Variants in IQSEC1 observed in about 807,000 individuals in gnomAD.
IQSEC1 encodes the protein IQ motif and Sec7 domain ArfGEF 1, also known as IQ motif and SEC7 domain-containing protein 1.
In IQSEC1, 31 loss-of-function variants were observed where a neutral mutation model predicts 91.0. That is an observed-to-expected ratio of 0.34 (90% CI 0.26 to 0.46). The LOEUF is 0.46. IQSEC1 is among the 20% of genes least tolerant of loss of function. The pLI, the probability that IQSEC1 is intolerant of heterozygous loss-of-function variation, is 1.00. For missense variants in IQSEC1, 1,388 were observed against 1,575.6 expected (o/e 0.88, Z 2.02); for synonymous variants, 699 against 662.6 (o/e 1.05, Z -0.84).
chr3:13,019,383 G>A (rs1339301676), intron 1 of IQSEC1, among the ~76,000 whole-genome samples: 3 of 152,244 alleles, frequency 2.0e-5, no homozygotes, highest in African/African-American at 7.2e-5. Flanking sequence ...CCAGCCAGGG[G>A]CAACAGGCTC....
chr3:12,971,655 T>A (rs1247454906), intron 1 of IQSEC1, among the ~76,000 whole-genome samples: 4 of 152,236 alleles, frequency 2.6e-5, no homozygotes, highest in Non-Finnish European at 5.9e-5. Context: ...CATAGATTAC[T>A]TCTTAAAAGA....
intron 1 of IQSEC1, among the ~76,000 whole-genome samples, chr3:13,180,405 G>A (rs1424820596): frequency 2.6e-5 from 4 of 152,034 alleles, no homozygotes; most frequent in Admixed American, 6.5e-5. Flanking sequence ...TAGTGGGGAC[G>A]TGGAGAACCT....
chr3:13,225,498 TA>T (rs1694736339), intron 1 of IQSEC1, among the ~76,000 whole-genome samples: 1 of 152,192 alleles, frequency 6.6e-6, no homozygotes, highest in Non-Finnish European at 1.5e-5. Context: ...TCATCATAAA[TA>T]GGACTCAACA....
At chr3:13,092,008 G>A (rs112607866) in intron 2 of IQSEC1, among the ~76,000 whole-genome samples, 4 of 152,236 alleles carry the variant, frequency 2.6e-5, no homozygotes, top group African/African-American at 9.6e-5. Context: ...CCCCCAGGCA[G>A]TTCTAAGGGC....
chr3:13,035,501 T>G (rs922693640), intron 1 of IQSEC1, among the ~76,000 whole-genome samples: 8 of 152,146 alleles, frequency 5.3e-5, no homozygotes, highest in African/African-American at 1.9e-4. Flanking sequence ...CCACACTTCA[T>G]TTCAACTTAC....
At chr3:13,025,486 C>T (rs377584487) in intron 1 of IQSEC1, among the ~76,000 whole-genome samples, 1 of 152,144 alleles carries the variant, frequency 6.6e-6, no homozygotes, top group Non-Finnish European at 1.5e-5. Flanking sequence ...TTGAAGGGGA[C>T]CCTGCTTGGG....
chr3:13,231,269 G>A (rs933979845), intron 1 of IQSEC1, among the ~76,000 whole-genome samples: 9 of 152,078 alleles, frequency 5.9e-5, no homozygotes, highest in Non-Finnish European at 1.0e-4. Context: ...AGTCCCGTGC[G>A]TGTGTGTGTC....
intron 1 of IQSEC1, among the ~76,000 whole-genome samples, chr3:13,234,674 A>G (rs547280673): frequency 6.6e-6 from 1 of 152,192 alleles, no homozygotes; most frequent in South Asian, 2.1e-4. Context: ...TGCCCAGTGC[A>G]TGCCCAGTCC....
chr3:12,991,612 C>T (rs927068358), intron 1 of IQSEC1, among the ~76,000 whole-genome samples: 2 of 152,224 alleles, frequency 1.3e-5, no homozygotes, highest in African/African-American at 2.4e-5. Context: ...TTCAGACTCC[C>T]TGACCAGCAC....
intron 1 of IQSEC1, among the ~76,000 whole-genome samples, chr3:13,198,749 G>A (rs566475554): frequency 2.0e-5 from 3 of 152,332 alleles, no homozygotes; most frequent in South Asian, 2.1e-4. Context: ...CACAAGAAGA[G>A]GCTAAGCCTC....
intron 6 of IQSEC1, among the ~76,000 whole-genome samples, chr3:12,920,085 A>G (rs1283139720): frequency 6.6e-6 from 1 of 152,258 alleles, no homozygotes; most frequent in Admixed American, 6.5e-5. Context: ...AGCGATATCA[A>G]GTCCCCTTTT....
At chr3:13,096,002 G>A (rs1246112615) in intron 2 of IQSEC1, among the ~76,000 whole-genome samples, 1 of 152,164 alleles carries the variant, frequency 6.6e-6, no homozygotes, top group African/African-American at 2.4e-5. Flanking sequence ...AAGCTCCATG[G>A]CTTCAATCCT....
rs530268344 is a variant in IQSEC1, at chr3:13,208,881, G to A, written c.273-44748C>T. ...CCGTGGAGTGCCTGGGGGTTGCCCC[G>A]GGATGGGGAGGCCACGTCTGAAGTC... On this transcript the variant is annotated intron_variant, in intron 1 of 15. Transcript: ENST00000648114. 2.6e-4 allele frequency among the ~76,000 whole-genome samples: 39 copies of A among 152,314 alleles called. No homozygotes were observed. The South Asian group carries it at 3.1e-3, about 12-fold the overall frequency.
Position 12,901,341 on chromosome 3 carries a change from T to TG in IQSEC1, c.2986dup (p.His996ProfsTer197), listed in dbSNP as rs1221087395. On this transcript the variant is annotated frameshift_variant, in exon 14 of 14. Coordinates refer to ENST00000613206, the MANE Select transcript of IQSEC1 (RefSeq NM_001134382.3). LOFTEE classifies it low-confidence loss of function (END_TRUNC). ...CAAGTGAGGCAGGACCACCGGTGGG[T>TG]GGGGGGGTGGCAGGGCTGGGGCTGA... The TG allele has an allele frequency of 1.6e-5, 13 of 820,104 alleles. No homozygotes were observed. The highest frequency in any genetic ancestry group is 5.6e-5 in the African/African-American group (2 of 35,416). 50.8% of individuals were successfully genotyped at this position (820,104 alleles called of 1,614,324 possible). A position where few individuals can be genotyped will look rare whatever the true frequency, so the allele number is the denominator to read the frequency against.
intron 1 of IQSEC1, among the ~76,000 whole-genome samples, chr3:13,208,458 G>T (rs994500406): frequency 9.2e-5 from 14 of 152,108 alleles, no homozygotes; most frequent in African/African-American, 3.1e-4. Context: ...TCCACCTGGT[G>T]AACTCCTGTT....
chr3:13,163,630 C>T (rs1221527469), intron 2 of IQSEC1, among the ~76,000 whole-genome samples: 2 of 152,140 alleles, frequency 1.3e-5, no homozygotes, highest in African/African-American at 4.8e-5. Context: ...GTTGGTGGGG[C>T]GAGGATGGGC....
intron 1 of IQSEC1, among the ~76,000 whole-genome samples, chr3:13,051,694 C>A (rs1704697696): frequency 1.3e-5 from 2 of 152,188 alleles, no homozygotes; most frequent in East Asian, 1.9e-4. Context: ...AAGCTCAGGC[C>A]TCAGGCTCAG....
chr3:13,081,246 T>C (rs551685236), intron 2 of IQSEC1, among the ~76,000 whole-genome samples: 1 of 152,360 alleles, frequency 6.6e-6, no homozygotes, highest in Admixed American at 6.5e-5. Context: ...ACTGGTCAGC[T>C]TTATTTATTC....
At chr3:13,082,657 T>A (rs1387281411) in intron 2 of IQSEC1, among the ~76,000 whole-genome samples, 2 of 152,198 alleles carry the variant, frequency 1.3e-5, no homozygotes, top group Non-Finnish European at 2.9e-5. Flanking sequence ...CTTCTTACTG[T>A]TCTAAACCAC....
Sources: allele counts gnomAD v4.1 joint callset (sites outside exome capture counted in the v4.1 genomes callset), GRCh38; gene constraint gnomAD v4.1.1; transcripts MANE v1.5; gene names NCBI Gene and HGNC (gene_info 2026-07-23, HGNC 2026-07-21).